The following FAM171B variants were observed in gnomAD, a reference collection of about 807,000 sequenced individuals.
FAM171B encodes the protein protein FAM171B.
In FAM171B, 19 loss-of-function variants were observed where a neutral mutation model predicts 75.6. The observed-to-expected ratio is 0.25, with a 90% CI of 0.18 to 0.37. The LOEUF (loss-of-function observed/expected upper bound fraction) is 0.37, where lower values mean the gene tolerates loss of function less well. Ranked by LOEUF, FAM171B falls within the 10% of genes least tolerant of loss-of-function variation. The pLI is 1.00. For missense variants in FAM171B, 848 were observed against 982.4 expected (o/e 0.86, Z 1.83); for synonymous variants, 367 against 361.7 (o/e 1.01, Z -0.17).
At chr2:186,717,842 T>C (rs1449088) in intron 1 of FAM171B, among the ~76,000 whole-genome samples, 144,852 of 152,222 alleles carry the variant, frequency 0.95, 69,160 homozygotes, top group Middle Eastern at 1. Flanking sequence ...TCTTCATGCT[T>C]AGTTGTAATG....
intron 1 of FAM171B, among the ~76,000 whole-genome samples, chr2:186,711,934 A>C (rs771039138): frequency 5.3e-5 from 8 of 152,170 alleles, no homozygotes; most frequent in Non-Finnish European, 8.8e-5. Flanking sequence ...ATTTGATAAT[A>C]GGTCATTTTT....
chr2:186,730,657 A>T (rs1690101697), intron 1 of FAM171B, among the ~76,000 whole-genome samples: 1 of 152,168 alleles, frequency 6.6e-6, no homozygotes, highest in Middle Eastern at 3.2e-3. Context: ...ATATTTTCTT[A>T]TCAGATTTAT....
chr2:186,736,789 G>A (rs952999472), intron 1 of FAM171B, among the ~76,000 whole-genome samples: 12 of 151,594 alleles, frequency 7.9e-5, no homozygotes, highest in African/African-American at 2.9e-4. Flanking sequence ...ACAAAGAACG[G>A]ACAAGGTATA....
At chr2:186,708,373 A>C (rs1366064502) in intron 1 of FAM171B, among the ~76,000 whole-genome samples, 2 of 152,166 alleles carry the variant, frequency 1.3e-5, no homozygotes, top group Non-Finnish European at 2.9e-5. Flanking sequence ...TTCTTTTTAA[A>C]CAAAACTCAT....
chr2:186,751,761 G>C (rs917683587), intron 5 of FAM171B, among the ~76,000 whole-genome samples: 3 of 151,990 alleles, frequency 2.0e-5, no homozygotes, highest in African/African-American at 7.3e-5. Context: ...TGTTTTCTGG[G>C]TTTCGCCTCC....
Position 186,694,302 on chromosome 2 carries a change from A to G in FAM171B, c.129A>G (p.Gln43=), listed in dbSNP as rs1574515766. 1.9e-6 allele frequency: 3 copies of G among 1,565,772 alleles called. No individual in the cohort carries two copies. Among genetic ancestry groups the G allele is most frequent in the East Asian group, 4.6e-5 (2 of 43,378 alleles). ...GCCGCTCCGACCTCAGCCTCATCCA[A>G]CAGCAGCAGCAGCAGCAGCAACAAC... ...ELSRSDLSLI[Q]QQQQQQQQQQ... Residue 43 remains glutamine, a synonymous_variant, in exon 1 of 8, where the codon CAA becomes CAG. Coordinates refer to ENST00000304698, the MANE Select transcript of FAM171B (RefSeq NM_177454.4).
intron 1 of FAM171B, among the ~76,000 whole-genome samples, chr2:186,705,531 G>A (rs779233379): frequency 2.6e-5 from 4 of 152,076 alleles, no homozygotes; most frequent in Non-Finnish European, 4.4e-5. Flanking sequence ...TGTGCTTTGA[G>A]ATTTTCAAAG....
intron 1 of FAM171B, among the ~76,000 whole-genome samples, chr2:186,701,301 A>G (rs543851128): frequency 4.3e-4 from 66 of 152,326 alleles, no homozygotes; most frequent in African/African-American, 1.6e-3. Flanking sequence ...ATAGTTAACT[A>G]TAGTCAAACA....
Position 186,694,217 on chromosome 2 carries a change from G to C in FAM171B, c.44G>C (p.Gly15Ala), listed in dbSNP as rs530184895. The C allele has an allele frequency of 1.9e-6, 3 of 1,609,278 alleles. No individual in the cohort carries two copies. Among genetic ancestry groups the C allele is most frequent in the African/African-American group, 2.7e-5 (2 of 75,048 alleles). Reference protein sequence around the residue: ...CRRVPCTLLLGLAVVLLKARL... With the variant: ...CRRVPCTLLLALAVVLLKARL... ...CGTGTCCCCTGCACCCTGCTTCTCG[G>C]CCTGGCCGTGGTGCTGCTGAAAGCG... Residue 15 changes from glycine to alanine, a missense_variant, in exon 1 of 8, where the codon GGC (glycine) becomes GCC (alanine). This residue lies in a region of FAM171B where 665 missense variants were observed against 729.0 expected (regional missense o/e 0.91). Coordinates refer to ENST00000304698, the MANE Select transcript of FAM171B (RefSeq NM_177454.4).
At chr2:186,694,433 C>G in intron 1 of FAM171B, 22 bp downstream of exon 1, 1 of 1,598,686 alleles carries the variant, frequency 6.3e-7, no homozygotes, top group Non-Finnish European at 8.5e-7. Flanking sequence ...CTGCCCAGCC[C>G]GGTCTTTCAG....
At chr2:186,694,600 C>A (rs2105767499) in intron 1 of FAM171B, among the ~76,000 whole-genome samples, 189 bp downstream of exon 1, 1 of 152,240 alleles carries the variant, frequency 6.6e-6, no homozygotes, top group East Asian at 1.9e-4. Flanking sequence ...AATCTGCCCT[C>A]CGGGTAATGA....
chr2:186,737,147 G>T (rs1460010958), intron 1 of FAM171B, among the ~76,000 whole-genome samples: 1 of 152,186 alleles, frequency 6.6e-6, no homozygotes, highest in African/African-American at 2.4e-5. Context: ...AATGGCAGAG[G>T]TGGATGGTGA....
intron 6 of FAM171B, among the ~76,000 whole-genome samples, chr2:186,757,935 A>G (rs958705171): frequency 1.3e-5 from 2 of 152,222 alleles, no homozygotes; most frequent in African/African-American, 4.8e-5. Context: ...TCCTCCATAC[A>G]GATCTACAGC....
At chr2:186,740,597 T>C (rs938473085) in intron 2 of FAM171B, 136 bp downstream of exon 2, 1 of 712,198 alleles carries the variant, frequency 1.4e-6, no homozygotes, top group African/African-American at 1.8e-5. Context: ...TACAAGGGAG[T>C]GCTACTTTGA....
rs1243680520 is a variant in FAM171B at position 186,743,457 on chromosome 2, T to TAGAAA, written c.473-25_473-24insGAAAA. The stretch of plus-strand genomic sequence containing the variant: ...TTTTTTCCCCTCACATTAAGTAAAA[T>TAGAAA]ATTCTAATTGTGCTATATTTCACAG... On this transcript the variant is annotated intron_variant, in intron 2 of 7. Transcript: ENST00000304698. 4.6e-6 allele frequency: 7 copies of TAGAAA among 1,518,144 alleles called. No individual in the cohort carries two copies. In the Admixed American group the frequency reaches 1.0e-4, roughly 22 times the overall value. The allele number at this position is 1,518,144 out of a possible 1,614,324, so 94.0% of individuals were successfully genotyped here.
chr2:186,743,552 T>C lies in FAM171B; in HGVS notation c.542T>C (p.Val181Ala). The C allele has an allele frequency of 8.1e-6, 13 of 1,612,386 alleles. No individual in the cohort carries two copies. Among genetic ancestry groups the C allele is most frequent in the Non-Finnish European group, 1.1e-5 (13 of 1,178,582 alleles). ...QANIWLFEDT[V>A]LITGKLADAK... is the part of the protein sequence containing the mutation. ...AATATATGGCTATTTGAAGACACTG[T>C]TTTAATTACTGGAAAATTAGCTGGT... The change falls in exon 3 of 8, where the codon GTT (valine) becomes GCT (alanine). Residue 181 changes from valine (V) to alanine (A), a missense_variant. Coordinates refer to ENST00000304698, the MANE Select transcript of FAM171B (RefSeq NM_177454.4).
chr2:186,759,954 A>G (rs1234491072), intron 6 of FAM171B, among the ~76,000 whole-genome samples: 1 of 151,938 alleles, frequency 6.6e-6, no homozygotes. Flanking sequence ...TTTTGATTTG[A>G]TTTTTGTATA....
chr2:186,740,146 G>A (rs1211808131), intron 1 of FAM171B, 82 bp from the exon 2 acceptor site: 5 of 907,076 alleles, frequency 5.5e-6, no homozygotes, highest in African/African-American at 5.0e-5. Context: ...CTGTTATTTA[G>A]ATATGTTGAA....
intron 1 of FAM171B, among the ~76,000 whole-genome samples, chr2:186,718,054 A>G (rs780131406): frequency 1.1e-4 from 16 of 152,184 alleles, no homozygotes; most frequent in Non-Finnish European, 2.4e-4. Flanking sequence ...AGTATCATTT[A>G]AAAATTTCCC....
Sources: allele counts gnomAD v4.1 joint callset (sites outside exome capture counted in the v4.1 genomes callset), GRCh38; gene constraint gnomAD v4.1.1; regional missense constraint gnomAD v4.1.1; transcripts MANE v1.5; gene names NCBI Gene and HGNC (gene_info 2026-07-23, HGNC 2026-07-21).